The following ILK variants were observed in gnomAD, a reference collection of about 807,000 sequenced individuals.
The protein encoded by ILK is integrin linked kinase, also known as scaffold protein ILK.
In ILK, 37 loss-of-function variants were observed where a neutral mutation model predicts 57.8. That is an observed-to-expected ratio of 0.64 (90% CI 0.49 to 0.84). ILK has a LOEUF of 0.84. Ranked by LOEUF, ILK falls within the 40% of genes least tolerant of loss-of-function variation. ILK has a pLI of 0.00. For missense variants in ILK, 528 were observed against 595.7 expected, an observed-to-expected ratio of 0.89 and a Z score of 1.18; for synonymous variants, 231 against 202.2, an observed-to-expected ratio of 1.14 and a Z score of -1.21.
intron 2 of ILK, chr11:6,607,181 C>A (rs1200665824): frequency 6.6e-6 from 1 of 152,426 alleles, no homozygotes; most frequent in African/African-American, 2.4e-5. Context: ...TCTGCAGCCC[C>A]GAACTGGAGG....
At chr11:6,604,479 C>A in intron 2 of ILK, 119 bp downstream of exon 2, 1 of 879,248 alleles carries the variant, frequency 1.1e-6, no homozygotes, top group Non-Finnish European at 1.8e-6. Context: ...GAGTGCTAAG[C>A]ATAGCCTGTG....
chr11:6,608,424 G>A lies in ILK; in HGVS notation c.286G>A (p.Val96Met), dbSNP rs1297687558. The change falls in exon 4 of 13, where the codon GTG (valine) becomes ATG (methionine). Residue 96 changes from valine to methionine, a missense_variant. Physicochemically the swap from Val to Met is conservative, Grantham distance 21 (BLOSUM62 1). Coordinates refer to ENST00000299421, the MANE Select transcript of ILK (RefSeq NM_004517.4). This position sits in a 1 kb window ranked among gnomAD's most constrained non-coding sequence, Gnocchi z 4.9. The part of the protein sequence containing the change: ...LLQYKADINA[V>M]NEHGNVPLHY... The stretch of plus-strand genomic sequence containing the variant: ...GCAGTACAAGGCAGACATCAATGCA[G>A]TGAATGAACACGGGAATGTGCCCCT... 1 of 1,614,182 alleles carries A rather than the reference G, an allele frequency of 6.2e-7. No homozygotes were observed. Among genetic ancestry groups the A allele is most frequent in the Non-Finnish European group, 8.5e-7 (1 of 1,179,998 alleles).
intron 1 of ILK, 125 bp from the exon 2 acceptor site, chr11:6,604,055 T>G: frequency 1.6e-6 from 1 of 612,522 alleles, no homozygotes; most frequent in South Asian, 1.9e-5. Flanking sequence ...TGACCCGCCT[T>G]TACCTCGCGT....
rs541609708 is a variant in ILK at position 6,610,841 on chromosome 11, C to T, written c.*230C>T. ...CTCCCAACATGGGAGGGATCAGCCC[C>T]GCCTGTCACAATAAAGTTTATTATG... is the stretch of plus-strand genomic sequence containing the variant. On this transcript the variant is annotated 3_prime_UTR_variant, in exon 13 of 13. Transcript: ENST00000299421. 52 of 1,531,010 alleles carry T rather than the reference C, an allele frequency of 3.4e-5. No individual in the cohort carries two copies. The highest frequency in any genetic ancestry group is 2.8e-4 in the South Asian group (25 of 88,242). The allele number at this position is 1,531,010 out of a possible 1,614,324, so 94.8% of individuals were successfully genotyped here. A position where few individuals can be genotyped will look rare whatever the true frequency, so the allele number is the denominator to read the frequency against.
At chr11:6,604,393 G>C in intron 2 of ILK, 33 bp downstream of exon 2, 1 of 1,557,680 alleles carries the variant, frequency 6.4e-7, no homozygotes, top group Non-Finnish European at 8.7e-7. Context: ...TGAGAGGAAG[G>C]CTAGAGATCT....
rs758274258 is a variant in ILK at position 6,608,825 on chromosome 11, G to T, written c.448+35G>T. On this transcript the variant is annotated intron_variant, in intron 5 of 12. Transcript: ENST00000299421. The surrounding 1 kb of genome is among the most constrained non-coding windows in gnomAD (Gnocchi z 4.9). ...CCCATCCCCTAGCTTGTGTCCTCTCGTCCCTTCCCACCTGTCTTCTCCCTC... is the reference window on the plus strand; with the variant it reads ...CCCATCCCCTAGCTTGTGTCCTCTCTTCCCTTCCCACCTGTCTTCTCCCTC... 1 of 1,612,290 alleles carries T rather than the reference G, an allele frequency of 6.2e-7. No homozygotes were observed. Among genetic ancestry groups the T allele is most frequent in the Non-Finnish European group, 8.5e-7 (1 of 1,178,544 alleles).
rs1336168476 is a variant in ILK at position 6,610,670 on chromosome 11, C to T, written c.*59C>T. The T allele has an allele frequency of 6.9e-6, 11 of 1,600,468 alleles. No individual in the cohort carries two copies. Among genetic ancestry groups the T allele is most frequent in the Non-Finnish European group, 9.4e-6 (11 of 1,168,664 alleles). The stretch of plus-strand genomic sequence containing the variant: ...TCGGGACATGGTTGGGGGAATGCAC[C>T]TCCCCAAAGCAGCAGGCCTCTGGTT... On this transcript the variant is annotated 3_prime_UTR_variant, in exon 13 of 13. Transcript: ENST00000299421.
In ILK at chr11:6,608,130, A is replaced by G; in HGVS notation, c.174A>G (p.Ala58=). Residue 58 remains alanine, a synonymous_variant, in exon 3 of 13, where the codon GCA becomes GCG. Transcript: ENST00000299421. The surrounding 1 kb of genome is among the most constrained non-coding windows in gnomAD (Gnocchi z 4.9). ...AVVEMLIMRG[A]RINVMNRGDD... ...TTGAGATGTTGATCATGCGGGGGGC[A>G]CGGATCAATGTAATGAACCGTGGGG... 2.5e-6 allele frequency: 4 copies of G among 1,614,100 alleles called. No homozygotes were observed. Among genetic ancestry groups the G allele is most frequent in the Non-Finnish European group, 1.7e-6 (2 of 1,179,992 alleles).
In ILK at chr11:6,610,511, A is replaced by C; in HGVS notation, c.1259A>C (p.His420Pro). Reference sequence around the variant, plus strand: ...ACCATCCCACCAGGTATTTCCCCTCATGTGTGTAAGCTCATGAAGATCTGC... The same window carrying C: ...ACCATCCCACCAGGTATTTCCCCTCCTGTGTGTAAGCTCATGAAGATCTGC... ...RPTIPPGISP[H>P]VCKLMKICMN... Residue 420 changes from histidine to proline, a missense_variant, in exon 13 of 13, where the codon CAT (histidine) becomes CCT (proline). By Grantham distance (77) the His-to-Pro change is moderately conservative (BLOSUM62 -2). Coordinates refer to ENST00000299421, the MANE Select transcript of ILK (RefSeq NM_004517.4). The C allele has an allele frequency of 6.2e-7, 1 of 1,614,140 alleles. No individual in the cohort carries two copies.
Position 6,608,744 on chromosome 11 carries a change from G to T in ILK, c.402G>T (p.Glu134Asp), listed in dbSNP as rs1439612462. Reference protein sequence around the residue: ...ALVSICNKYGEMPVDKAKAPL... With the variant: ...ALVSICNKYGDMPVDKAKAPL... ...TCAGCATCTGTAACAAGTATGGAGAGATGCCTGTGGACAAAGCCAAGGCAC... is the reference window on the plus strand; with the variant it reads ...TCAGCATCTGTAACAAGTATGGAGATATGCCTGTGGACAAAGCCAAGGCAC... The change falls in exon 5 of 13, where the codon GAG (glutamate) becomes GAT (aspartate). Residue 134 changes from glutamate (E) to aspartate (D), a missense_variant. Coordinates refer to ENST00000299421, the MANE Select transcript of ILK (RefSeq NM_004517.4). The surrounding 1 kb of genome is among the most constrained non-coding windows in gnomAD (Gnocchi z 4.9). 2 of 1,614,172 alleles carry T rather than the reference G, an allele frequency of 1.2e-6. No individual in the cohort carries two copies. Among genetic ancestry groups the T allele is most frequent in the South Asian group, 1.1e-5 (1 of 91,088 alleles).
In ILK at chr11:6,609,710, T is replaced by C; in HGVS notation, c.857-14T>C. ...GGAGCCTCTCTGAACTATTTGACTT[T>C]TGCCTCCTCTCAGATTTCGTCGTGG... On this transcript the variant is annotated splice_polypyrimidine_tract_variant and intron_variant, in intron 9 of 12. Coordinates refer to ENST00000299421, the MANE Select transcript of ILK (RefSeq NM_004517.4). 6.2e-7 allele frequency: 1 copy of C among 1,614,188 alleles called. No individual in the cohort carries two copies. The highest frequency in any genetic ancestry group is 8.5e-7 in the Non-Finnish European group (1 of 1,180,030).
At position 6,609,373 on chromosome 11, in the gene ILK, G is replaced by A; in HGVS notation, c.693G>A (p.Lys231=). Residue 231 remains lysine, a synonymous_variant, in exon 8 of 13, where the codon AAG becomes AAA. Coordinates refer to ENST00000299421, the MANE Select transcript of ILK (RefSeq NM_004517.4). ...AGGTTCGAGACTGGAGTACAAGGAAGAGCAGGGACTTCAATGAAGAGTGTC... is the reference window on the plus strand; with the variant it reads ...AGGTTCGAGACTGGAGTACAAGGAAAAGCAGGGACTTCAATGAAGAGTGTC... ...VLKVRDWSTR[K]SRDFNEECPR... The A allele has an allele frequency of 1.9e-6, 3 of 1,614,138 alleles. No individual in the cohort carries two copies. Among genetic ancestry groups the A allele is most frequent in the African/African-American group, 1.3e-5 (1 of 75,048 alleles).
intron 2 of ILK, among the ~76,000 whole-genome samples, chr11:6,606,096 C>T (rs1262282254): frequency 6.6e-6 from 1 of 152,184 alleles, no homozygotes; most frequent in Non-Finnish European, 1.5e-5. Context: ...CTGCTTGAAC[C>T]CGGGAAGCAG....
intron 2 of ILK, chr11:6,604,573 G>A: frequency 1.6e-6 from 1 of 637,792 alleles, no homozygotes; most frequent in East Asian, 2.8e-5. Context: ...AGGCTACAGA[G>A]AGCTTTCCAG....
chr11:6,604,356 CA>C lies in ILK; in HGVS notation c.86del (p.Gln29ArgfsTer25), dbSNP rs771524891. 2.2e-5 allele frequency: 35 copies of C among 1,606,902 alleles called. No homozygotes were observed. Among genetic ancestry groups the C allele is most frequent in the Non-Finnish European group, 4.2e-6 (5 of 1,176,864 alleles). On this transcript the variant is annotated frameshift_variant, in exon 2 of 13. Transcript: ENST00000299421. LOFTEE classifies it high-confidence loss of function. ...GGACAACACGGAGAACGACCTCAAC[CA>C]GGGGTGAGCTGAAACGGTTGGTGGA... is the stretch of plus-strand genomic sequence containing the variant. The part of the protein sequence containing the change: ...WLDNTENDLN[Q>X]GDDHGFSPLH...
At position 6,610,605 on chromosome 11, in the gene ILK, C is replaced by G. The variant is rs1234007742; in HGVS notation, c.1353C>G (p.Asp451Glu). The G allele has an allele frequency of 1.3e-5, 21 of 1,614,076 alleles. No individual in the cohort carries two copies. Among genetic ancestry groups the G allele is most frequent in the Non-Finnish European group, 1.6e-5 (19 of 1,180,032 alleles). The change falls in exon 13 of 13, where the codon GAC becomes GAG. Residue 451 changes from aspartate (D) to glutamate (E), a missense_variant. By Grantham distance (45) the Asp-to-Glu change is conservative (BLOSUM62 2). Coordinates refer to ENST00000299421, the MANE Select transcript of ILK (RefSeq NM_004517.4). ...MIVPILEKMQDK is the reference protein window; with the variant it reads ...MIVPILEKMQEK Reference sequence around the variant, plus strand: ...TGCCTATCCTTGAGAAGATGCAGGACAAGTAGGACTGGAAGGTCCTTGCCT... The same window carrying G: ...TGCCTATCCTTGAGAAGATGCAGGAGAAGTAGGACTGGAAGGTCCTTGCCT...
Position 6,609,854 on chromosome 11 carries a change from A to C in ILK, c.978+9A>C. 6.2e-7 allele frequency: 1 copy of C among 1,614,252 alleles called. No individual in the cohort carries two copies. The highest frequency in any genetic ancestry group is 8.5e-7 in the Non-Finnish European group (1 of 1,180,050). The stretch of plus-strand genomic sequence containing the variant: ...ATAGCCGTAGTGTAATGGTGAGGCC[A>C]CAAGCTCACTCCTGGCCCAGGCCCC... On this transcript the variant is annotated intron_variant, in intron 10 of 12. Coordinates refer to ENST00000299421, the MANE Select transcript of ILK (RefSeq NM_004517.4).
In ILK at chr11:6,610,727, C is replaced by T. The variant is rs1855420326; in HGVS notation, c.*116C>T. On this transcript the variant is annotated 3_prime_UTR_variant, in exon 13 of 13. Coordinates refer to ENST00000299421, the MANE Select transcript of ILK (RefSeq NM_004517.4). ...CCCGCCTCCAGTCATGGTACTACCCCAGCCATGGGGTCCATCCCCTTCCCC... is the reference window on the plus strand; with the variant it reads ...CCCGCCTCCAGTCATGGTACTACCCTAGCCATGGGGTCCATCCCCTTCCCC... The T allele has an allele frequency of 7.1e-7, 1 of 1,407,628 alleles. No individual in the cohort carries two copies. The highest frequency in any genetic ancestry group is 1.0e-6 in the Non-Finnish European group (1 of 1,003,980). The allele number at this position is 1,407,628 out of a possible 1,614,324, so 87.2% of individuals were successfully genotyped here.
At position 6,610,249 on chromosome 11, in the gene ILK, GAC is replaced by G; in HGVS notation, c.1181_1182del (p.Asp394AlafsTer29). ...GGTGACACGGGAGGTACCCTTTGCT[GAC>G]CTCTCCAATATGGAGATTGGAATGA... ...ELVTREVPFA[D>X]LSNMEIGMKV... On this transcript the variant is annotated frameshift_variant, in exon 12 of 13. Coordinates refer to ENST00000299421, the MANE Select transcript of ILK (RefSeq NM_004517.4). LOFTEE classifies it high-confidence loss of function. The G allele has an allele frequency of 6.2e-7, 1 of 1,614,230 alleles. No homozygotes were observed. Among genetic ancestry groups the G allele is most frequent in the South Asian group, 1.1e-5 (1 of 91,080 alleles).
Sources: allele counts gnomAD v4.1 joint callset (sites outside exome capture counted in the v4.1 genomes callset), GRCh38; gene constraint gnomAD v4.1.1; non-coding constraint Gnocchi (gnomAD v3.1); transcripts MANE v1.5; gene names NCBI Gene and HGNC (gene_info 2026-07-23, HGNC 2026-07-21).